The following RAB7A variants were observed in gnomAD, a reference collection of about 807,000 sequenced individuals.
RAB7A encodes the protein ras-related protein Rab-7a.
In RAB7A, 2 loss-of-function variants were observed where a neutral mutation model predicts 24.5. That is an observed-to-expected ratio of 0.08 (90% confidence interval 0.03 to 0.26). The LOEUF (loss-of-function observed/expected upper bound fraction) is 0.26. RAB7A is among the 10% of genes least tolerant of loss of function. RAB7A has a pLI of 1.00. For synonymous variants in RAB7A, 100 were observed against 95.9 expected, an observed-to-expected ratio of 1.04 and a Z score of -0.25; for missense variants, 118 against 255.7, an observed-to-expected ratio of 0.46 and a Z score of 3.67.
intron 1 of RAB7A, among the ~76,000 whole-genome samples, chr3:128,787,037 A>G (rs1036963562): frequency 6.6e-6 from 1 of 152,214 alleles, no homozygotes; most frequent in Admixed American, 6.5e-5. Flanking sequence ...CATATACTCT[A>G]ATACTAATAG....
At chr3:128,794,411 A>C (rs1459414595) in intron 1 of RAB7A, among the ~76,000 whole-genome samples, 3 of 152,230 alleles carry the variant, frequency 2.0e-5, no homozygotes, top group African/African-American at 7.2e-5. Context: ...TAGCTAAATT[A>C]ATAAGCGGCA....
intron 1 of RAB7A, 58 bp downstream of exon 1, chr3:128,726,417 C>G (rs996902271): frequency 6.6e-6 from 1 of 152,340 alleles, no homozygotes; most frequent in African/African-American, 2.4e-5. Flanking sequence ...CTCAGCCCCT[C>G]GGTCGCCAGG....
chr3:128,740,918 A>G (rs2070546722), intron 1 of RAB7A, among the ~76,000 whole-genome samples: 1 of 141,340 alleles, frequency 7.1e-6, no homozygotes, highest in East Asian at 2.0e-4. Flanking sequence ...AAAAAAAAAA[A>G]AAAAAGACTT....
chr3:128,753,537 A>G (rs1049031833), intron 1 of RAB7A, among the ~76,000 whole-genome samples: 5 of 152,198 alleles, frequency 3.3e-5, no homozygotes, highest in Admixed American at 3.3e-4. Context: ...GTGCTGCTAT[A>G]ACAAAATACC....
intron 1 of RAB7A, among the ~76,000 whole-genome samples, chr3:128,737,825 G>A (rs1160784073): frequency 1.7e-5 from 1 of 59,482 alleles, no homozygotes; most frequent in African/African-American, 6.3e-5. Context: ...TTTTTTTGTA[G>A]TTTTTTTTTT....
chr3:128,807,494 G>A (rs547411602), intron 4 of RAB7A, 49 bp from the exon 5 acceptor site: 2 of 1,612,308 alleles, frequency 1.2e-6, no homozygotes, highest in Non-Finnish European at 1.7e-6. Context: ...TGGAGTCAGT[G>A]CTGGCTGCTT....
intron 3 of RAB7A, chr3:128,798,321 A>T (rs991349642): frequency 4.6e-6 from 2 of 430,354 alleles, no homozygotes; most frequent in Non-Finnish European, 8.4e-6. Flanking sequence ...ACTCAGATTT[A>T]TCCTTTCTTG....
At chr3:128,765,644 A>G (rs1157432968) in intron 1 of RAB7A, among the ~76,000 whole-genome samples, 2 of 152,144 alleles carry the variant, frequency 1.3e-5, no homozygotes, top group African/African-American at 2.4e-5. Context: ...GTGTCCTCAC[A>G]TGGTGGAAGG....
At chr3:128,805,674 CAG>C (rs1933787662) in intron 3 of RAB7A, among the ~76,000 whole-genome samples, 1 of 151,858 alleles carries the variant, frequency 6.6e-6, no homozygotes, top group African/African-American at 2.4e-5. Flanking sequence ...TTTTTTGAGA[CAG>C]AGTTTCGCTC....
intron 1 of RAB7A, among the ~76,000 whole-genome samples, chr3:128,794,282 T>G (rs1222357472): frequency 1.3e-5 from 2 of 152,234 alleles, no homozygotes; most frequent in African/African-American, 2.4e-5. Flanking sequence ...TGCTGTATTC[T>G]AGTTACTGTC....
chr3:128,774,600 G>A (rs1305620424), intron 1 of RAB7A, among the ~76,000 whole-genome samples: 1 of 152,014 alleles, frequency 6.6e-6, no homozygotes, highest in East Asian at 1.9e-4. Context: ...TTGAGACGGA[G>A]TCTCGCTCTG....
chr3:128,757,814 G>A (rs1249866519), intron 1 of RAB7A, among the ~76,000 whole-genome samples: 1 of 151,868 alleles, frequency 6.6e-6, no homozygotes, highest in Admixed American at 6.6e-5. Flanking sequence ...CACTGTGCCT[G>A]GCCTAAGAAA....
intron 5 of RAB7A, among the ~76,000 whole-genome samples, chr3:128,812,436 A>T (rs1225791421): frequency 6.6e-6 from 1 of 152,174 alleles, no homozygotes; most frequent in Non-Finnish European, 1.5e-5. Context: ...TTTTTTAAGT[A>T]TGTATTCCTA....
intron 1 of RAB7A, among the ~76,000 whole-genome samples, chr3:128,740,206 C>T (rs531695327): frequency 4.6e-5 from 7 of 151,956 alleles, no homozygotes; most frequent in South Asian, 2.1e-4. Flanking sequence ...GGTGAAATCC[C>T]GTCTCTACTA....
intron 2 of RAB7A, among the ~76,000 whole-genome samples, chr3:128,796,365 TG>T (rs1036302611): frequency 1.3e-5 from 2 of 152,018 alleles, no homozygotes; most frequent in African/African-American, 4.8e-5. Context: ...GGCGAGAGGA[TG>T]GCTTGAGCCC....
At chr3:128,783,891 C>A (rs1276120056) in intron 1 of RAB7A, among the ~76,000 whole-genome samples, 3 of 152,216 alleles carry the variant, frequency 2.0e-5, no homozygotes, top group Non-Finnish European at 4.4e-5. Flanking sequence ...GCTGTTTAGT[C>A]TTGCCTTTGA....
chr3:128,810,678 A>T (rs1343375339), intron 5 of RAB7A, among the ~76,000 whole-genome samples: 1 of 152,190 alleles, frequency 6.6e-6, no homozygotes, highest in Non-Finnish European at 1.5e-5. Context: ...CTGCAACCTC[A>T]TTTAACCTTC....
intron 1 of RAB7A, among the ~76,000 whole-genome samples, chr3:128,761,387 A>G (rs963041200): frequency 5.3e-5 from 8 of 152,194 alleles, no homozygotes; most frequent in Non-Finnish European, 1.2e-4. Flanking sequence ...TCCCACTCGG[A>G]GGAAGAAGTC....
intron 1 of RAB7A, among the ~76,000 whole-genome samples, chr3:128,759,205 G>T (rs1163521766): frequency 6.6e-6 from 1 of 152,212 alleles, no homozygotes; most frequent in Non-Finnish European, 1.5e-5. Flanking sequence ...ACATTCTGAG[G>T]CAAATGGTTT....
Sources: gnomAD v4.1 joint callset for allele counts (sites outside exome capture counted in the v4.1 genomes callset) on GRCh38, gnomAD v4.1.1 for gene constraint, MANE v1.5 for transcripts, NCBI Gene and HGNC (gene_info 2026-07-23, HGNC 2026-07-21) for gene names.